CLIC5: variants seen among roughly 807,000 people sequenced by gnomAD.
The protein encoded by CLIC5 is chloride intracellular channel protein 5.
Under a neutral mutation model 24.7 loss-of-function variants are expected in CLIC5, and 20 were observed. The observed-to-expected ratio is 0.81, with a 90% CI of 0.57 to 1.18. CLIC5 has a LOEUF of 1.18. Ranked by LOEUF, CLIC5 falls within the 50% of genes most tolerant of loss-of-function variation. CLIC5 has a pLI of 0.00. For missense variants in CLIC5, 341 were observed against 326.1 expected (o/e 1.05, Z -0.35); for synonymous variants, 159 against 135.6 (o/e 1.17, Z -1.20).
intron 1 of CLIC5, among the ~76,000 whole-genome samples, chr6:46,068,045 T>A (rs1762492008): frequency 6.6e-6 from 1 of 152,098 alleles, no homozygotes; most frequent in South Asian, 2.1e-4. Context: ...CAAGTGTTTA[T>A]CAGAGAAGAT....
chr6:46,099,780 G>C, the CLIC5 span, among the ~76,000 whole-genome samples: 147 of 152,232 alleles, frequency 9.7e-4, 1 homozygote, highest in Non-Finnish European at 9.4e-4. Flanking sequence ...TGGCCTTTGA[G>C]CTGGCATTCC....
intron 6 of CLIC5, among the ~76,000 whole-genome samples, chr6:45,891,387 C>T (rs1301835150): frequency 1.3e-5 from 2 of 152,034 alleles, no homozygotes; most frequent in Non-Finnish European, 2.9e-5. Flanking sequence ...CCGGTAATTC[C>T]AACACTTTGG....
chr6:45,982,031 G>T (rs766623553), intron 1 of CLIC5, among the ~76,000 whole-genome samples: 1 of 151,850 alleles, frequency 6.6e-6, no homozygotes, highest in Admixed American at 6.6e-5. Context: ...AGAAATATAG[G>T]GGACAGTCAA....
the CLIC5 span, chr6:46,097,223 T>C: frequency 6.6e-6 from 1 of 152,184 alleles, no homozygotes; most frequent in Admixed American, 6.5e-5. Flanking sequence ...TATGAATGGA[T>C]GGATGGATGA....
chr6:45,904,761 AC>A (rs754818733), intron 5 of CLIC5, among the ~76,000 whole-genome samples: 40 of 143,460 alleles, frequency 2.8e-4, no homozygotes, highest in Non-Finnish European at 4.8e-4. Context: ...TTGGGGGGAT[AC>A]AAGGGGGTAC....
Position 45,902,904 on chromosome 6 carries a change from G to A in CLIC5, c.*184C>T. On this transcript the variant is annotated 3_prime_UTR_variant, in exon 6 of 6. Transcript: ENST00000339561. ...CATTTCTGCTAGATTCCTATGTGAG[G>A]AGGCCAGGGATGGTGCTGACCTTCA... The A allele has an allele frequency of 3.2e-6, 2 of 619,056 alleles. No individual in the cohort carries two copies. The highest frequency in any genetic ancestry group is 5.6e-6 in the Non-Finnish European group (2 of 358,806). 38.3% of individuals were successfully genotyped at this position (619,056 alleles called of 1,614,324 possible).
At chr6:46,016,234 G>A (rs1044275434), upstream of CLIC5, among the ~76,000 whole-genome samples, 8 of 142,682 alleles carry the variant, frequency 5.6e-5, no homozygotes, top group African/African-American at 1.8e-4. Context: ...GAAGGGGAAG[G>A]AAGAGAGGAG....
chr6:46,063,887 A>G (rs113311714), intron 1 of CLIC5, among the ~76,000 whole-genome samples: 2 of 152,332 alleles, frequency 1.3e-5, no homozygotes, highest in Admixed American at 6.5e-5. Context: ...AATTCATTCT[A>G]TGTCACTTAA....
intron 4 of CLIC5, among the ~76,000 whole-genome samples, chr6:45,928,509 C>T (rs1437898695): frequency 6.6e-6 from 1 of 152,188 alleles, no homozygotes; most frequent in African/African-American, 2.4e-5. Flanking sequence ...TATAAACCAA[C>T]TGTGATACTT....
At chr6:46,082,191 A>T (rs893051136), upstream of CLIC5, among the ~76,000 whole-genome samples, 1 of 152,210 alleles carries the variant, frequency 6.6e-6, no homozygotes. Context: ...AAAGAATAGT[A>T]TACAGCATGT....
chr6:46,054,376 C>G (rs75804152), intron 1 of CLIC5, among the ~76,000 whole-genome samples: 8,612 of 152,218 alleles, frequency 0.057, 338 homozygotes, highest in Admixed American at 0.12. Flanking sequence ...CTGCCACAGA[C>G]CAAACACACT....
At chr6:45,929,579 T>G (rs768808873) in intron 4 of CLIC5, among the ~76,000 whole-genome samples, 10 of 152,056 alleles carry the variant, frequency 6.6e-5, no homozygotes, top group East Asian at 5.8e-4. Context: ...ACCAGAGGCG[T>G]TTTTGAAAGG....
intron 1 of CLIC5, among the ~76,000 whole-genome samples, chr6:46,040,110 A>G (rs1170051294): frequency 2.0e-5 from 3 of 152,238 alleles, no homozygotes; most frequent in Non-Finnish European, 2.9e-5. Flanking sequence ...TAATGTAAAT[A>G]AACCATTCAG....
At chr6:45,974,520 TATAGAGAGAG>T (rs1208716294) in intron 1 of CLIC5, among the ~76,000 whole-genome samples, 5,086 of 66,306 alleles carry the variant, frequency 0.077, 59 homozygotes, top group Non-Finnish European at 0.093. Flanking sequence ...TATATATATA[TATAGAGAGAG>T]AGAGAGAGAG....
chr6:45,947,823 G>A (rs916769858), intron 3 of CLIC5, among the ~76,000 whole-genome samples: 1 of 152,140 alleles, frequency 6.6e-6, no homozygotes, highest in Non-Finnish European at 1.5e-5. Flanking sequence ...TGTATGTGGG[G>A]CTGTCCTATT....
intron 4 of CLIC5, chr6:45,920,375 A>G (rs1763207627): frequency 1.3e-6 from 1 of 766,308 alleles, no homozygotes; most frequent in Non-Finnish European, 1.6e-6. Context: ...CTAGGAGGAA[A>G]GAAATATCTA....
chr6:46,118,377 G>C, the CLIC5 span, among the ~76,000 whole-genome samples: 11 of 152,100 alleles, frequency 7.2e-5, no homozygotes, highest in African/African-American at 1.4e-4. Context: ...ATGCCATTTA[G>C]GTAGGGTGAT....
rs1359869227 is a variant in CLIC5, at chr6:46,068,471, A to G, written c.540+11232T>C. 3.3e-5 allele frequency among the ~76,000 whole-genome samples: 5 copies of G among 152,206 alleles called. No individual in the cohort carries two copies. In the South Asian group the frequency reaches 6.2e-4, roughly 19 times the overall value. On this transcript the variant is annotated intron_variant, in intron 1 of 5. Transcript: ENST00000185206. ...TTCAACCATCATTTTAAGTATGCCA[A>G]TGGACCAAGTATATGAGAATGGAGG...
At chr6:45,923,736 G>A (rs1354958479) in intron 4 of CLIC5, among the ~76,000 whole-genome samples, 1 of 152,156 alleles carries the variant, frequency 6.6e-6, no homozygotes, top group African/African-American at 2.4e-5. Flanking sequence ...GAACTGATTT[G>A]ATCACCATTT....
Sources: gnomAD v4.1 joint callset for allele counts (sites outside exome capture counted in the v4.1 genomes callset) on GRCh38, gnomAD v4.1.1 for gene constraint, MANE v1.5 for transcripts, NCBI Gene and HGNC (gene_info 2026-07-23, HGNC 2026-07-21) for gene names.